The following SNX29 variants were observed in gnomAD, a reference collection of about 807,000 sequenced individuals.
SNX29 encodes the protein sorting nexin 29.
A neutral mutation model predicts 102.1 loss-of-function variants in SNX29; 78 were observed. That is an observed-to-expected ratio of 0.76 (90% CI 0.64 to 0.92). The LOEUF (loss-of-function observed/expected upper bound fraction) is 0.92, where lower values mean the gene tolerates loss of function less well. Ranked by LOEUF, SNX29 falls within the 40% of genes least tolerant of loss-of-function variation. The pLI, the probability that SNX29 is intolerant of heterozygous loss-of-function variation, is 0.00. For missense variants in SNX29, 1,280 were observed against 1,061.7 expected (o/e 1.21, Z -2.86); for synonymous variants, 580 against 414.5 (o/e 1.40, Z -4.85).
At chr16:12,550,887 G>C (rs12445800) in intron 20 of SNX29, among the ~76,000 whole-genome samples, 7 of 152,158 alleles carry the variant, frequency 4.6e-5, no homozygotes, top group African/African-American at 9.7e-5. Context: ...AACCTGTGAC[G>C]GGAGGGGAAG....
intron 1 of SNX29, among the ~76,000 whole-genome samples, chr16:11,982,423 G>GTTT (rs60761477): frequency 3.7e-4 from 45 of 120,374 alleles, no homozygotes; most frequent in African/African-American, 4.8e-4. Context: ...CTTTCCATCA[G>GTTT]TTTTTTTTTT....
intron 15 of SNX29, among the ~76,000 whole-genome samples, chr16:12,315,342 C>A (rs966274032): frequency 6.6e-6 from 1 of 152,160 alleles, no homozygotes; most frequent in African/African-American, 2.4e-5. Context: ...TTCTTTACAC[C>A]TTGTGGATCT....
chr16:12,492,126 A>C (rs1301789874), intron 19 of SNX29, among the ~76,000 whole-genome samples: 1 of 152,220 alleles, frequency 6.6e-6, no homozygotes, highest in Non-Finnish European at 1.5e-5. Context: ...CAATGGTTGA[A>C]CTAGTTTACA....
chr16:12,182,474 C>G (rs1042803116), intron 13 of SNX29, among the ~76,000 whole-genome samples: 2 of 152,082 alleles, frequency 1.3e-5, no homozygotes, highest in Non-Finnish European at 2.9e-5. Context: ...CTTGCTCATT[C>G]AGAGCAGAGC....
chr16:12,417,670 C>G (rs1241154952), intron 18 of SNX29, among the ~76,000 whole-genome samples: 1 of 151,982 alleles, frequency 6.6e-6, no homozygotes, highest in Non-Finnish European at 1.5e-5. Flanking sequence ...CCTTCCTCCT[C>G]TTACTGCCTC....
At chr16:12,395,817 C>G (rs1408624028) in intron 16 of SNX29, among the ~76,000 whole-genome samples, 3 of 147,656 alleles carry the variant, frequency 2.0e-5, no homozygotes, top group African/African-American at 7.5e-5. Context: ...ATAGAATCAG[C>G]TCTCTAAAGG....
intron 15 of SNX29, among the ~76,000 whole-genome samples, chr16:12,343,535 C>T (rs961755761): frequency 1.3e-5 from 2 of 152,162 alleles, no homozygotes; most frequent in Non-Finnish European, 2.9e-5. Flanking sequence ...TGTTCTCATG[C>T]CTCCTGCCAG....
intron 19 of SNX29, among the ~76,000 whole-genome samples, chr16:12,486,700 C>T (rs1447875185): frequency 6.6e-6 from 1 of 152,196 alleles, no homozygotes; most frequent in African/African-American, 2.4e-5. Context: ...CACATTAACT[C>T]CCTAAGTCAA....
chr16:12,065,433 G>A (rs1104803), intron 9 of SNX29, among the ~76,000 whole-genome samples: 80,857 of 152,014 alleles, frequency 0.53, 23,426 homozygotes, highest in African/African-American at 0.78. Context: ...AGGGTCCTGT[G>A]TTTAGTATTG....
chr16:12,042,170 A>G (rs939932410), intron 4 of SNX29, among the ~76,000 whole-genome samples: 1 of 152,134 alleles, frequency 6.6e-6, no homozygotes, highest in Non-Finnish European at 1.5e-5. Context: ...AGGTGGGATT[A>G]CAGGTGTGCG....
At chr16:12,065,865 G>T (rs1157824104) in intron 9 of SNX29, among the ~76,000 whole-genome samples, 1 of 152,142 alleles carries the variant, frequency 6.6e-6, no homozygotes. Flanking sequence ...TCAAACCTTT[G>T]CACTTGTTAG....
chr16:12,308,772 GACA>G (rs1182538048), intron 15 of SNX29, among the ~76,000 whole-genome samples: 2 of 152,064 alleles, frequency 1.3e-5, no homozygotes, highest in Non-Finnish European at 1.5e-5. Flanking sequence ...GGAGAGTCTT[GACA>G]ACATGTAAGG....
chr16:12,345,353 T>C (rs752564004), intron 15 of SNX29, among the ~76,000 whole-genome samples: 3 of 152,118 alleles, frequency 2.0e-5, no homozygotes, highest in Admixed American at 1.3e-4. Context: ...CCATATAAAA[T>C]AGGGACAACA....
At chr16:11,982,747 A>T (rs140859894) in intron 1 of SNX29, among the ~76,000 whole-genome samples, 50 of 151,860 alleles carry the variant, frequency 3.3e-4, no homozygotes, top group Admixed American at 6.6e-4. Context: ...TAAAGGAGAC[A>T]CTGAGATTCC....
At chr16:11,985,764 A>G (rs537496537) in intron 1 of SNX29, among the ~76,000 whole-genome samples, 12 of 150,936 alleles carry the variant, frequency 8.0e-5, no homozygotes, top group African/African-American at 2.7e-4. Flanking sequence ...GTGGCAGCAG[A>G]GGCTTCCTGA....
At chr16:12,527,544 A>C (rs1300274136) in intron 20 of SNX29, 1 of 403,710 alleles carries the variant, frequency 2.5e-6, no homozygotes, top group Non-Finnish European at 4.7e-6. Flanking sequence ...TTTCCTGTGG[A>C]TGTCAGCTTT....
At chr16:12,521,949 C>CA (rs1397098893) in intron 19 of SNX29, among the ~76,000 whole-genome samples, 1 of 152,192 alleles carries the variant, frequency 6.6e-6, no homozygotes, top group Non-Finnish European at 1.5e-5. Flanking sequence ...GAGTGGCTCT[C>CA]AGCAGTGTTT....
At chr16:12,093,790 G>A (rs1292649792) in intron 11 of SNX29, 1 of 152,170 alleles carries the variant, frequency 6.6e-6, no homozygotes, top group South Asian at 2.1e-4. Flanking sequence ...GATACCTCTT[G>A]CAATTGTGTG....
At chr16:12,411,573 G>A (rs916059295) in intron 18 of SNX29, among the ~76,000 whole-genome samples, 7 of 152,160 alleles carry the variant, frequency 4.6e-5, no homozygotes, top group Non-Finnish European at 7.4e-5. Context: ...TTCCCTTCCA[G>A]TATAAAGCCT....
Sources: gnomAD v4.1 joint callset for allele counts (sites outside exome capture counted in the v4.1 genomes callset) on GRCh38, gnomAD v4.1.1 for gene constraint, MANE v1.5 for transcripts, NCBI Gene and HGNC (gene_info 2026-07-23, HGNC 2026-07-21) for gene names.